Variants in PCDHGA2 observed in about 807,000 individuals in gnomAD.
The protein encoded by PCDHGA2 is protocadherin gamma subfamily A, 2, also known as protocadherin gamma-A2.
A neutral mutation model predicts 59.2 loss-of-function variants in PCDHGA2; 40 were observed. The observed-to-expected ratio is 0.68, with a 90% CI of 0.52 to 0.88. PCDHGA2 has a LOEUF of 0.88. PCDHGA2 is among the 40% of genes least tolerant of loss of function. The pLI, the probability that PCDHGA2 is intolerant of heterozygous loss-of-function variation, is 0.00. For synonymous variants in PCDHGA2, 560 were observed against 526.0 expected (o/e 1.06, Z -0.89); for missense variants, 1,226 against 1,204.0 (o/e 1.02, Z -0.27).
At chr5:141,347,158 T>TCTTTCTTTCTTTCTTC (rs1346897553) in intron 1 of PCDHGA2, among the ~76,000 whole-genome samples, 1 of 140,116 alleles carries the variant, frequency 7.1e-6, no homozygotes, top group Non-Finnish European at 1.6e-5. Flanking sequence ...TTTCTTTCTT[T>TCTTTCTTTCTTTCTTC]CTTTCTTTCT....
chr5:141,374,181 A>C (rs765792921), intron 1 of PCDHGA2: 2 of 1,613,530 alleles, frequency 1.2e-6, no homozygotes, highest in African/African-American at 2.7e-5. Flanking sequence ...CAGATCCGCT[A>C]CTCTATTCCC....
In PCDHGA2 at chr5:141,489,432, G is replaced by A. The variant is rs2099687138; in HGVS notation, c.2425-5375G>A. ...TGACAGATCTGTTGAGCCGGCGGCTGCAATTGGGCTCTGAGGAGAATGGGC... is the reference window on the plus strand; with the variant it reads ...TGACAGATCTGTTGAGCCGGCGGCTACAATTGGGCTCTGAGGAGAATGGGC... On this transcript the variant is annotated intron_variant, in intron 1 of 3. Transcript: ENST00000394576. The surrounding 1 kb of genome is among the most constrained non-coding windows in gnomAD (Gnocchi z 4.5). 3.1e-6 allele frequency: 5 copies of A among 1,614,166 alleles called. No individual in the cohort carries two copies. Among genetic ancestry groups the A allele is most frequent in the Non-Finnish European group, 4.2e-6 (5 of 1,180,036 alleles).
At chr5:141,399,901 G>A (rs767228671) in intron 1 of PCDHGA2, 42 of 1,612,296 alleles carry the variant, frequency 2.6e-5, no homozygotes, top group African/African-American at 1.3e-5. Flanking sequence ...GGCCGTGGAC[G>A]CAGACTCAGG....
rs2099412065 is a variant in PCDHGA2, at chr5:141,477,502, C to T, written c.2425-17305C>T. On this transcript the variant is annotated intron_variant, in intron 1 of 3. Coordinates refer to ENST00000394576, the MANE Select transcript of PCDHGA2 (RefSeq NM_018915.4). This position sits in a 1 kb window ranked among gnomAD's most constrained non-coding sequence, Gnocchi z 4.9. ...CTCCACAATCTTCTCAATCTTCCTACGACGTTTACATTGAAGAAAACAACC... is the reference window on the plus strand; with the variant it reads ...CTCCACAATCTTCTCAATCTTCCTATGACGTTTACATTGAAGAAAACAACC... 2 of 1,614,144 alleles carry T rather than the reference C, an allele frequency of 1.2e-6. No homozygotes were observed. Among genetic ancestry groups the T allele is most frequent in the Non-Finnish European group, 1.7e-6 (2 of 1,180,018 alleles).
At chr5:141,404,002 A>G in intron 1 of PCDHGA2, 2 of 1,613,928 alleles carry the variant, frequency 1.2e-6, no homozygotes, top group South Asian at 1.1e-5. Context: ...TGACCATTAC[A>G]TCTCTGTTTA....
At chr5:141,378,415 C>G (rs62378442) in intron 1 of PCDHGA2, 5,215 of 152,332 alleles carry the variant, frequency 0.034, 104 homozygotes, top group Middle Eastern at 0.088. Context: ...CGCAGCTACT[C>G]GGGAGGCTGA....
chr5:141,504,130 C>T (rs1334901812), intron 2 of PCDHGA2, among the ~76,000 whole-genome samples: 1 of 152,154 alleles, frequency 6.6e-6, no homozygotes, highest in African/African-American at 2.4e-5. Flanking sequence ...TGTTTCCCGC[C>T]AACACTCCCC....
intron 1 of PCDHGA2, chr5:141,360,351 G>T: frequency 6.2e-7 from 1 of 1,613,876 alleles, no homozygotes; most frequent in Non-Finnish European, 8.5e-7. Context: ...GCGCGGAGAA[G>T]GAATATTTCA....
rs1554136305 is a variant in PCDHGA2, at chr5:141,450,006, CT to C, written c.2425-44783del. Reference sequence around the variant, plus strand: ...CACATTGCATTTAGTTGCCATGTCTCTTTTTTTTTTTTTTTTTTGAGACAGG... The same window carrying C: ...CACATTGCATTTAGTTGCCATGTCTCTTTTTTTTTTTTTTTTTGAGACAGG... On this transcript the variant is annotated intron_variant, in intron 1 of 3. Coordinates refer to ENST00000394576, the MANE Select transcript of PCDHGA2 (RefSeq NM_018915.4). Among the ~76,000 whole-genome samples, 140 of 132,944 alleles carry C rather than the reference CT, an allele frequency of 1.1e-3. 2 individuals are homozygous for C. In the Middle Eastern group the frequency reaches 0.016, roughly 15 times the overall value. 87.2% of individuals were successfully genotyped at this position (132,944 alleles called of 152,430 possible). A position where few individuals can be genotyped will look rare whatever the true frequency, so the allele number is the denominator to read the frequency against.
At chr5:141,417,628 A>T (rs2096139720) in intron 1 of PCDHGA2, 1 of 692,650 alleles carries the variant, frequency 1.4e-6, no homozygotes, top group Non-Finnish European at 2.3e-6. Context: ...GCAAGCGCTG[A>T]CGCCGGGGAT....
At chr5:141,394,373 C>T in intron 1 of PCDHGA2, 12 of 1,614,206 alleles carry the variant, frequency 7.4e-6, no homozygotes, top group Non-Finnish European at 1.0e-5. Context: ...TGCAATCTTT[C>T]GACTATGAGC....
At position 141,372,292 on chromosome 5, in the gene PCDHGA2, G is replaced by A. The variant is rs1768614066; in HGVS notation, c.2424+30897G>A. The A allele has an allele frequency of 4.3e-6, 7 of 1,613,164 alleles. No homozygotes were observed. The African/African-American group carries it at 5.3e-5, about 12-fold the overall frequency. ...GAGGTGCGCACGGCGCGTACCTTGGGCGACAGGGAGGCCGCCCGCCAGCGC... is the reference window on the plus strand; with the variant it reads ...GAGGTGCGCACGGCGCGTACCTTGGACGACAGGGAGGCCGCCCGCCAGCGC... On this transcript the variant is annotated intron_variant, in intron 1 of 3. Transcript: ENST00000394576.
intron 1 of PCDHGA2, chr5:141,422,905 G>A: frequency 6.2e-7 from 1 of 1,614,260 alleles, no homozygotes; most frequent in South Asian, 1.1e-5. Flanking sequence ...GAACGACAAT[G>A]CGCCCGAGAT....
chr5:141,472,268 A>G (rs399559), intron 1 of PCDHGA2, among the ~76,000 whole-genome samples: 152,324 of 152,332 alleles, frequency 1, 76,158 homozygotes, highest in Middle Eastern at 1. Flanking sequence ...ATAGCCGGGC[A>G]CAGTGGCTCA....
chr5:141,415,880 A>G, intron 1 of PCDHGA2: 1 of 1,003,078 alleles, frequency 1.0e-6, no homozygotes. Flanking sequence ...TGAGTACAAT[A>G]TTGACAATTC....
At chr5:141,399,291 T>A in intron 1 of PCDHGA2, 1 of 1,613,954 alleles carries the variant, frequency 6.2e-7, no homozygotes, top group East Asian at 2.2e-5. Context: ...AAGTCCCTTT[T>A]AAGATTATCT....
chr5:141,413,445 C>A (rs764464917), intron 1 of PCDHGA2: 1 of 1,613,986 alleles, frequency 6.2e-7, no homozygotes, highest in Admixed American at 1.7e-5. Flanking sequence ...GCTTGATCAC[C>A]GCGGGCAGGA....
intron 1 of PCDHGA2, chr5:141,398,966 C>T: frequency 6.2e-7 from 1 of 1,613,962 alleles, no homozygotes; most frequent in Non-Finnish European, 8.5e-7. Flanking sequence ...ATTACTTATT[C>T]CTTCTACAGA....
chr5:141,351,804 C>T lies in PCDHGA2; in HGVS notation c.2424+10409C>T, dbSNP rs752529043. 4 of 1,613,328 alleles carry T rather than the reference C, an allele frequency of 2.5e-6. No individual in the cohort carries two copies. In the South Asian group the frequency reaches 3.3e-5, roughly 13 times the overall value. On this transcript the variant is annotated intron_variant, in intron 1 of 3. Transcript: ENST00000394576. Reference sequence around the variant, plus strand: ...AGCGGGGTGGTGTTCGCGCAGCGCGCCTTCGACCACGAGCAGCTGCGCGCC... The same window carrying T: ...AGCGGGGTGGTGTTCGCGCAGCGCGTCTTCGACCACGAGCAGCTGCGCGCC...
Sources: gnomAD v4.1 joint callset for allele counts (sites outside exome capture counted in the v4.1 genomes callset) on GRCh38, gnomAD v4.1.1 for gene constraint, Gnocchi (gnomAD v3.1) non-coding constraint, MANE v1.5 for transcripts, NCBI Gene and HGNC (gene_info 2026-07-23, HGNC 2026-07-21) for gene names.